The following CIB1 variants were observed in gnomAD, a reference collection of about 807,000 sequenced individuals.
CIB1 encodes the protein calcium and integrin binding 1.
Under a neutral mutation model 25.0 loss-of-function variants are expected in CIB1, and 19 were observed. The ratio of observed to expected loss-of-function variants is 0.76; its 90% CI spans 0.53 to 1.12. The LOEUF (loss-of-function observed/expected upper bound fraction) is 1.12. Ranked by LOEUF, CIB1 falls within the 50% of genes most tolerant of loss-of-function variation. CIB1 has a pLI of 0.00. For missense variants in CIB1, 236 were observed against 242.6 expected (o/e 0.97, Z 0.18); for synonymous variants, 104 against 98.5 (o/e 1.06, Z -0.33).
At chr15:90,241,241 C>T in the CIB1 span, 781 of 1,614,194 alleles carry the variant, frequency 4.8e-4, 7 homozygotes, top group Middle Eastern at 8.2e-4. Flanking sequence ...CCCCGCAGAC[C>T]ATCAAGAGTG....
At chr15:90,233,483 G>C (rs1962553756) in intron 2 of CIB1, among the ~76,000 whole-genome samples, 186 bp downstream of exon 2, 1 of 152,228 alleles carries the variant, frequency 6.6e-6, no homozygotes, top group Non-Finnish European at 1.5e-5. Context: ...TGCCACGCTG[G>C]GGCCTCAGGC....
the CIB1 span, chr15:90,249,709 C>G: frequency 6.6e-6 from 1 of 152,258 alleles, no homozygotes; most frequent in African/African-American, 2.4e-5. Context: ...CCAGGGAGAC[C>G]TGGAGCCGGG....
At chr15:90,259,013 C>G in the CIB1 span, 1 of 1,602,892 alleles carries the variant, frequency 6.2e-7, no homozygotes, top group Non-Finnish European at 8.5e-7. Context: ...TGGCCTGGGG[C>G]TGATTTGCTA....
chr15:90,239,436 A>C, the CIB1 span, among the ~76,000 whole-genome samples: 1 of 152,110 alleles, frequency 6.6e-6, no homozygotes, highest in Non-Finnish European at 1.5e-5. Context: ...GCAAGGGTGG[A>C]CAGGCCTCAG....
At chr15:90,240,974 C>T in the CIB1 span, 8 of 1,613,530 alleles carry the variant, frequency 5.0e-6, no homozygotes, top group East Asian at 2.2e-5. Flanking sequence ...AGGACTGGGG[C>T]AGGCAAACCA....
chr15:90,253,180 C>G, the CIB1 span: 1 of 1,347,256 alleles, frequency 7.4e-7, no homozygotes, highest in East Asian at 2.3e-5. Context: ...CTTACCTGAC[C>G]CAGCTACACA....
At chr15:90,263,850 G>C in the CIB1 span, 1 of 826,370 alleles carries the variant, frequency 1.2e-6, no homozygotes, top group Non-Finnish European at 2.0e-6. Flanking sequence ...CTCATTTCCT[G>C]CATCCAGTTC....
chr15:90,265,272 G>A, the CIB1 span: 5 of 1,252,904 alleles, frequency 4.0e-6, no homozygotes, highest in South Asian at 7.4e-5. Context: ...GTGCGGCCCG[G>A]GGCTGGAGGC....
the CIB1 span, chr15:90,262,966 C>T: frequency 2.0e-6 from 3 of 1,535,354 alleles, no homozygotes; most frequent in Non-Finnish European, 2.6e-6. Flanking sequence ...TACCTTGTAG[C>T]TGCTGCCGGG....
the CIB1 span, chr15:90,258,335 G>A: frequency 7.2e-7 from 1 of 1,384,138 alleles, no homozygotes; most frequent in Non-Finnish European, 1.0e-6. Context: ...GGACACCTGG[G>A]ACAGGGGTAC....
the CIB1 span, chr15:90,257,134 C>A: frequency 4.3e-6 from 7 of 1,612,542 alleles, no homozygotes; most frequent in South Asian, 7.7e-5. Context: ...TTGCATGCTC[C>A]CAGCCCCTCC....
chr15:90,257,984 A>G, the CIB1 span: 2 of 1,551,776 alleles, frequency 1.3e-6, no homozygotes, highest in Non-Finnish European at 1.8e-6. Context: ...TCCTGCCTAC[A>G]GCCTGGCCCA....
intron 2 of CIB1, among the ~76,000 whole-genome samples, chr15:90,233,015 T>G (rs1962539273): frequency 6.6e-6 from 1 of 152,106 alleles, no homozygotes; most frequent in Admixed American, 6.5e-5. Context: ...AAAGCCTCCT[T>G]TTTAGCAACC....
the CIB1 span, chr15:90,255,754 G>C: frequency 6.2e-7 from 1 of 1,614,024 alleles, no homozygotes; most frequent in African/African-American, 1.3e-5. Context: ...CTGTGTTTCA[G>C]AAAATCAACC....
the CIB1 span, among the ~76,000 whole-genome samples, chr15:90,256,583 T>C: frequency 1.6e-3 from 59 of 36,220 alleles, no homozygotes; most frequent in Non-Finnish European, 2.5e-3. Flanking sequence ...CTTTCTTTCT[T>C]TCTTTCTTTC....
the CIB1 span, chr15:90,263,783 C>A: frequency 1.4e-6 from 1 of 703,494 alleles, no homozygotes; most frequent in Non-Finnish European, 2.6e-6. Flanking sequence ...GAACTGAAAT[C>A]TATGAGTCTG....
chr15:90,265,457 A>G, the CIB1 span: 5 of 1,349,718 alleles, frequency 3.7e-6, no homozygotes, highest in Non-Finnish European at 4.7e-6. Context: ...CCGTACTTTA[A>G]TTAAAGTTTA....
At chr15:90,252,151 T>C in the CIB1 span, among the ~76,000 whole-genome samples, 1 of 151,094 alleles carries the variant, frequency 6.6e-6, no homozygotes. Flanking sequence ...GCGATTCTCC[T>C]GCCTCAGCCT....
the CIB1 span, chr15:90,251,690 C>A: frequency 7.1e-7 from 1 of 1,410,830 alleles, no homozygotes; most frequent in Non-Finnish European, 1.0e-6. Flanking sequence ...AGGCTTCCAG[C>A]CCCTGGGGCC....
Sources: gnomAD v4.1 joint callset for allele counts (sites outside exome capture counted in the v4.1 genomes callset) on GRCh38, gnomAD v4.1.1 for gene constraint, MANE v1.5 for transcripts, NCBI Gene and HGNC (gene_info 2026-07-23, HGNC 2026-07-21) for gene names.